Variants in USP9Y observed in about 807,000 individuals in gnomAD.
USP9Y encodes ubiquitin specific peptidase 9 Y-linked.
A neutral mutation model predicts 53.1 loss-of-function variants in USP9Y; 41 were observed. That is an observed-to-expected ratio of 0.77 (90% CI 0.60 to 1.00). The LOEUF (loss-of-function observed/expected upper bound fraction) is 1.00, where lower values mean the gene tolerates loss of function less well. Among genes scored for constraint, USP9Y ranks in the 50% least tolerant of loss-of-function variants. The probability of loss-of-function intolerance (pLI) is 0.00; values close to 1 mark genes in which losing one functional copy is unlikely to be tolerated. For missense variants in USP9Y, 567 were observed against 535.8 expected (o/e 1.06, Z -0.58); for synonymous variants, 220 against 173.7 (o/e 1.27, Z -2.09).
intron 20 of USP9Y, 29 bp downstream of exon 20, chrY:12,778,288 A>G: frequency 1.5e-5 from 5 of 344,582 alleles, no homozygotes; most frequent in Non-Finnish European, 2.1e-5. Flanking sequence ...TAAATAAGTC[A>G]TGAAACTTAA....
intron 27 of USP9Y, among the ~76,000 whole-genome samples, chrY:12,799,011 G>A: frequency 1.6e-4 from 5 of 30,476 alleles, no homozygotes; most frequent in Non-Finnish European, 7.9e-5. Context: ...GAATACAGGC[G>A]CGTGCCACCA....
chrY:12,825,575 G>A (rs937997448), intron 33 of USP9Y, among the ~76,000 whole-genome samples: 11 of 32,728 alleles, frequency 3.4e-4, no homozygotes, highest in Non-Finnish European at 6.0e-4. Flanking sequence ...ACGACTATGA[G>A]CATATTGGCC....
intron 33 of USP9Y, among the ~76,000 whole-genome samples, chrY:12,823,724 T>G (rs865877351): frequency 1.5e-4 from 5 of 32,665 alleles, no homozygotes; most frequent in African/African-American, 5.9e-4. Flanking sequence ...ATTTTATAAG[T>G]TTAAAGGGAA....
intron 7 of USP9Y, among the ~76,000 whole-genome samples, chrY:12,727,370 G>C: frequency 9.1e-5 from 3 of 33,077 alleles, no homozygotes; most frequent in Non-Finnish European, 2.2e-4. Flanking sequence ...AGGGAAGTTA[G>C]ATCTGCTTTA....
In USP9Y at chrY:12,860,248, G is replaced by A; in HGVS notation, c.*832G>A. On this transcript the variant is annotated 3_prime_UTR_variant, in exon 46 of 46. Coordinates refer to ENST00000338981, the MANE Select transcript of USP9Y (RefSeq NM_004654.4). ...TGATAGTTCAATTTCTTGAGCTGAAGAATATCAAAGTATCGATAATACGAA... is the reference window on the plus strand; with the variant it reads ...TGATAGTTCAATTTCTTGAGCTGAAAAATATCAAAGTATCGATAATACGAA... 2 of 33,425 alleles carry A rather than the reference G, an allele frequency of 6.0e-5. No individual in the cohort carries two copies. Among genetic ancestry groups the A allele is most frequent in the African/African-American group, 1.2e-4 (1 of 8,624 alleles). 8.3% of individuals were successfully genotyped at this position (33,425 alleles called of 400,897 possible).
chrY:12,784,012 A>C, intron 22 of USP9Y, among the ~76,000 whole-genome samples: 1 of 33,687 alleles, frequency 3.0e-5, no homozygotes, highest in South Asian at 6.6e-4. Context: ...CTCTAATGCC[A>C]GGCTGCCATG....
intron 34 of USP9Y, among the ~76,000 whole-genome samples, chrY:12,836,982 A>C (rs2053555763): frequency 3.0e-5 from 1 of 32,972 alleles, no homozygotes. Flanking sequence ...CTGAGATTAC[A>C]GGCATGAGCC....
At chrY:12,735,332 A>G (rs2053450561) in intron 7 of USP9Y, among the ~76,000 whole-genome samples, 2 of 33,086 alleles carry the variant, frequency 6.0e-5, no homozygotes, top group African/African-American at 1.2e-4. Context: ...TACCAGATAC[A>G]TGAGATATAA....
In USP9Y at chrY:12,709,406, C is replaced by CA. The variant is rs757971643; in HGVS notation, c.-34dup. On this transcript the variant is annotated 5_prime_UTR_variant, in exon 3 of 46. Coordinates refer to ENST00000338981, the MANE Select transcript of USP9Y (RefSeq NM_004654.4). ...CCCTTAGGATAACTACATAAAGAGA[C>CA]AAAAAAAAGAAAAAAGAGCAAAGAT... 17 of 324,774 alleles carry CA rather than the reference C, an allele frequency of 5.2e-5. No individual in the cohort carries two copies. The Middle Eastern group carries it at 1.9e-3, about 37-fold the overall frequency. 81.0% of individuals were successfully genotyped at this position (324,774 alleles called of 400,897 possible). A position where few individuals can be genotyped will look rare whatever the true frequency, so the allele number is the denominator to read the frequency against.
intron 22 of USP9Y, among the ~76,000 whole-genome samples, chrY:12,783,444 G>A: frequency 3.0e-5 from 1 of 33,413 alleles, no homozygotes. Context: ...GGAGCAGTCA[G>A]AATGCACACA....
At chrY:12,714,597 C>T (rs1603195731) in intron 3 of USP9Y, among the ~76,000 whole-genome samples, 1 of 29,132 alleles carries the variant, frequency 3.4e-5, no homozygotes, top group African/African-American at 1.4e-4. Context: ...TGTGCTACCA[C>T]GCCTGGCTGA....
At chrY:12,814,438 G>A (rs2053534381) in intron 31 of USP9Y, among the ~76,000 whole-genome samples, 1 of 22,049 alleles carries the variant, frequency 4.5e-5, no homozygotes, top group South Asian at 1.2e-3. Context: ...TGAGGCAGGA[G>A]AATGGCGTGA....
intron 12 of USP9Y, among the ~76,000 whole-genome samples, chrY:12,742,437 G>A: frequency 3.0e-5 from 1 of 33,204 alleles, no homozygotes; most frequent in Non-Finnish European, 7.4e-5. Context: ...TGTGTTTACA[G>A]TCCTTTAGCT....
chrY:12,761,738 C>T (rs2053475507), intron 15 of USP9Y, among the ~76,000 whole-genome samples: 2 of 33,662 alleles, frequency 5.9e-5, no homozygotes, highest in Non-Finnish European at 1.5e-4. Flanking sequence ...TTAATTGATA[C>T]GCTACATTAG....
intron 3 of USP9Y, among the ~76,000 whole-genome samples, chrY:12,710,455 G>GT (rs1333424720): frequency 1.7e-4 from 5 of 30,166 alleles, no homozygotes; most frequent in East Asian, 8.8e-4. Context: ...CCATTTGTGT[G>GT]TTTTTTTTTC....
intron 22 of USP9Y, among the ~76,000 whole-genome samples, chrY:12,783,304 G>A: frequency 3.0e-5 from 1 of 33,399 alleles, no homozygotes; most frequent in Non-Finnish European, 7.4e-5. Flanking sequence ...TAAAGTGAGA[G>A]ATATGTGACT....
chrY:12,855,920 G>T, intron 42 of USP9Y, among the ~76,000 whole-genome samples: 1 of 30,946 alleles, frequency 3.2e-5, no homozygotes, highest in Non-Finnish European at 7.8e-5. Flanking sequence ...TGCCACTGCA[G>T]TCCAGCCTGG....
chrY:12,815,642 G>T, intron 31 of USP9Y, among the ~76,000 whole-genome samples: 2 of 33,785 alleles, frequency 5.9e-5, no homozygotes, highest in Admixed American at 5.3e-4. Context: ...TGTCGCCCAG[G>T]CTGGAGTCAC....
chrY:12,811,868 C>T (rs1051973546), intron 30 of USP9Y, 87 bp downstream of exon 30: 1 of 221,273 alleles, frequency 4.5e-6, no homozygotes, highest in Non-Finnish European at 7.4e-6. Context: ...CAGCTCACCG[C>T]AGCCTCCACC....
Sources: allele counts gnomAD v4.1 joint callset (sites outside exome capture counted in the v4.1 genomes callset), GRCh38; gene constraint gnomAD v4.1.1; transcripts MANE v1.5; gene names NCBI Gene and HGNC (gene_info 2026-07-23, HGNC 2026-07-21).